RAVER2: variants seen among roughly 807,000 people sequenced by gnomAD.
RAVER2 encodes the protein ribonucleoprotein, PTB binding 2.
A neutral mutation model predicts 78.1 loss-of-function variants in RAVER2; 46 were observed. The observed-to-expected ratio is 0.59, with a 90% CI of 0.46 to 0.75. The LOEUF is 0.75. Among genes scored for constraint, RAVER2 ranks in the 30% least tolerant of loss-of-function variants. The pLI is 0.00. For synonymous variants in RAVER2, 311 were observed against 313.3 expected (o/e 0.99, Z 0.08); for missense variants, 793 against 837.5 (o/e 0.95, Z 0.66).
chr1:64,800,773 G>A (rs1355928360), intron 5 of RAVER2, among the ~76,000 whole-genome samples: 1 of 151,978 alleles, frequency 6.6e-6, no homozygotes, highest in Non-Finnish European at 1.5e-5. Context: ...CTCCAATCCT[G>A]TGTACTCTGG....
At chr1:64,810,206 G>T (rs1037994147) in intron 9 of RAVER2, among the ~76,000 whole-genome samples, 1 of 152,144 alleles carries the variant, frequency 6.6e-6, no homozygotes, top group African/African-American at 2.4e-5. Flanking sequence ...AGTGCACAGG[G>T]ATTCTAATTT....
intron 1 of RAVER2, among the ~76,000 whole-genome samples, chr1:64,766,226 C>G (rs768730566): frequency 3.3e-5 from 5 of 152,150 alleles, no homozygotes; most frequent in Non-Finnish European, 5.9e-5. Context: ...AAAGGTGCTA[C>G]TTTATTCCTT....
intron 9 of RAVER2, among the ~76,000 whole-genome samples, chr1:64,809,736 G>A (rs1053393684): frequency 1.3e-5 from 2 of 152,058 alleles, no homozygotes; most frequent in African/African-American, 4.8e-5. Context: ...ACTGAAACCT[G>A]TACCTGTTAA....
intron 9 of RAVER2, 82 bp downstream of exon 9, chr1:64,807,556 C>A: frequency 7.7e-7 from 1 of 1,293,440 alleles, no homozygotes; most frequent in Non-Finnish European, 1.0e-6. Context: ...CTTAAATTGT[C>A]GTGTCAATGA....
At chr1:64,774,533 G>A (rs923499295) in intron 2 of RAVER2, among the ~76,000 whole-genome samples, 6 of 152,040 alleles carry the variant, frequency 3.9e-5, no homozygotes, top group African/African-American at 1.4e-4. Flanking sequence ...CCATTGGTCT[G>A]TGTATCTGTT....
intron 11 of RAVER2, 87 bp from the exon 12 acceptor site, chr1:64,830,752 C>A: frequency 7.9e-7 from 1 of 1,259,212 alleles, no homozygotes; most frequent in South Asian, 1.5e-5. Context: ...TTCACCAAGT[C>A]AAAGTGGAAT....
At chr1:64,748,331 C>A (rs898704463) in intron 1 of RAVER2, among the ~76,000 whole-genome samples, 1 of 152,198 alleles carries the variant, frequency 6.6e-6, no homozygotes, top group Non-Finnish European at 1.5e-5. Context: ...AACAACTTTT[C>A]GGTTTGTCAC....
At chr1:64,748,026 A>T (rs1651591199) in intron 1 of RAVER2, among the ~76,000 whole-genome samples, 1 of 152,190 alleles carries the variant, frequency 6.6e-6, no homozygotes, top group South Asian at 2.1e-4. Context: ...TTGGTATAGC[A>T]GATTTATAAT....
At chr1:64,755,529 C>T (rs996018198) in intron 1 of RAVER2, among the ~76,000 whole-genome samples, 4 of 151,978 alleles carry the variant, frequency 2.6e-5, no homozygotes, top group Non-Finnish European at 4.4e-5. Flanking sequence ...CTGCCCCTAC[C>T]GTACCCCACC....
Position 64,777,623 on chromosome 1 carries a change from CT to C in RAVER2, c.321del (p.Phe107LeufsTer5), listed in dbSNP as rs770312075. On this transcript the variant is annotated frameshift_variant and splice_region_variant, in exon 3 of 12. Transcript: ENST00000294428. LOFTEE classifies it high-confidence loss of function. ...TTTAATTCATTTCGTTATCTTCCAG[CT>C]TTTGTTACCTTATTGAATGGGGAAC... 1 of 1,595,336 alleles carries C rather than the reference CT, an allele frequency of 6.3e-7. No homozygotes were observed. The highest frequency in any genetic ancestry group is 8.5e-7 in the Non-Finnish European group (1 of 1,170,914).
At chr1:64,771,640 AG>A (rs1652323692) in intron 2 of RAVER2, among the ~76,000 whole-genome samples, 1 of 152,120 alleles carries the variant, frequency 6.6e-6, no homozygotes, top group Non-Finnish European at 1.5e-5. Flanking sequence ...AATAATACAA[AG>A]GCTGGGAGAG....
chr1:64,799,495 T>C (rs1653199384), intron 5 of RAVER2, among the ~76,000 whole-genome samples: 1 of 152,158 alleles, frequency 6.6e-6, no homozygotes, highest in South Asian at 2.1e-4. Flanking sequence ...CAGGCTGGAG[T>C]GCAGTGGCAT....
exon 11 of RAVER2, chr1:64,814,714 T>G: frequency 6.8e-7 from 1 of 1,470,958 alleles, no homozygotes. Context: ...CCCCTGCAAG[T>G]AAAACCACTC....
At chr1:64,768,548 A>G (rs1457650373) in intron 1 of RAVER2, 108 bp from the exon 2 acceptor site, 2 of 709,972 alleles carry the variant, frequency 2.8e-6, no homozygotes, top group Non-Finnish European at 4.9e-6. Flanking sequence ...TTTTTTTTAC[A>G]TGGGACATGG....
At chr1:64,815,062 G>C (rs931655335) in intron 11 of RAVER2, 1 of 299,172 alleles carries the variant, frequency 3.3e-6, no homozygotes, top group Non-Finnish European at 5.9e-6. Flanking sequence ...TTACCTAGTG[G>C]TTGGCAAACT....
chr1:64,757,869 T>C (rs11208519), intron 1 of RAVER2, among the ~76,000 whole-genome samples: 14,678 of 152,228 alleles, frequency 0.096, 1,025 homozygotes, highest in East Asian at 0.28. Context: ...TCCCATTCTG[T>C]ATTTGTGACT....
At chr1:64,832,477 A>G (rs1235822332) in exon 12 of RAVER2, 3 of 152,568 alleles carry the variant, frequency 2.0e-5, no homozygotes, top group Non-Finnish European at 4.4e-5. Flanking sequence ...TGTTTATGTT[A>G]TAAGACTGTA....
At chr1:64,777,516 G>GA in intron 2 of RAVER2, 107 bp from the exon 3 acceptor site, 1 of 899,994 alleles carries the variant, frequency 1.1e-6, no homozygotes, top group South Asian at 1.8e-5. Context: ...TTTTGTTTCA[G>GA]AAAAAAGGTG....
chr1:64,781,638 C>T, intron 4 of RAVER2, 67 bp downstream of exon 4: 2 of 1,393,020 alleles, frequency 1.4e-6, no homozygotes, highest in South Asian at 3.3e-5. Flanking sequence ...TTTAATCTAT[C>T]CAGTCTAGCC....
Sources: allele counts gnomAD v4.1 joint callset (sites outside exome capture counted in the v4.1 genomes callset), GRCh38; gene constraint gnomAD v4.1.1; transcripts MANE v1.5; gene names NCBI Gene and HGNC (gene_info 2026-07-23, HGNC 2026-07-21).